Variants in LSAMP observed in about 807,000 individuals in gnomAD.
LSAMP encodes limbic system-associated membrane protein.
Under a neutral mutation model 38.6 loss-of-function variants are expected in LSAMP, and 7 were observed. That is an observed-to-expected ratio of 0.18 (90% CI 0.10 to 0.34). The LOEUF (loss-of-function observed/expected upper bound fraction) is 0.34. LSAMP is among the 10% of genes least tolerant of loss of function. The pLI is 1.00. For missense variants in LSAMP, 313 were observed against 420.0 expected (o/e 0.75, Z 2.23); for synonymous variants, 154 against 166.8 (o/e 0.92, Z 0.59).
chr3:116,068,452 T>A lies in LSAMP; in HGVS notation c.388+17872A>T, dbSNP rs548076880. Among the ~76,000 whole-genome samples the A allele has an allele frequency of 8.6e-5, 13 of 151,604 alleles. No individual in the cohort carries two copies. In the East Asian group the frequency reaches 2.5e-3, roughly 29 times the overall value. Reference sequence around the variant, plus strand: ...GACTGGATATGTGGTAAAAAAAAAATAAGTTATTTCTCAAATTTAATATAA... The same window carrying A: ...GACTGGATATGTGGTAAAAAAAAAAAAAGTTATTTCTCAAATTTAATATAA... On this transcript the variant is annotated intron_variant, in intron 2 of 6. Transcript: ENST00000490035.
At chr3:116,231,324 C>T (rs967697583) in intron 1 of LSAMP, among the ~76,000 whole-genome samples, 3 of 152,194 alleles carry the variant, frequency 2.0e-5, no homozygotes, top group African/African-American at 7.2e-5. Flanking sequence ...TGACTGTTCT[C>T]CATGCTGAAG....
chr3:115,981,425 A>T (rs1043637259), intron 3 of LSAMP, among the ~76,000 whole-genome samples: 2 of 147,530 alleles, frequency 1.4e-5, no homozygotes, highest in Non-Finnish European at 3.0e-5. Flanking sequence ...TATGATCTTT[A>T]AAAAAAAAAC....
chr3:116,151,921 G>C (rs1229322386), intron 1 of LSAMP, among the ~76,000 whole-genome samples: 1 of 152,168 alleles, frequency 6.6e-6, no homozygotes. Context: ...GCCACAATGA[G>C]ACCAGCAATT....
intron 1 of LSAMP, among the ~76,000 whole-genome samples, chr3:116,292,168 C>T (rs1257547070): frequency 6.6e-6 from 1 of 152,146 alleles, no homozygotes; most frequent in Non-Finnish European, 1.5e-5. Flanking sequence ...ATGGAATGTA[C>T]ATTTTATAAT....
At chr3:116,371,093 A>G (rs908415413) in intron 1 of LSAMP, among the ~76,000 whole-genome samples, 1 of 152,204 alleles carries the variant, frequency 6.6e-6, no homozygotes, top group Non-Finnish European at 1.5e-5. Flanking sequence ...ACAGCCCAGT[A>G]ACTGATGGCT....
chr3:116,439,847 T>C (rs1338878200), intron 1 of LSAMP, among the ~76,000 whole-genome samples: 1 of 152,218 alleles, frequency 6.6e-6, no homozygotes, highest in African/African-American at 2.4e-5. Context: ...CTCAGTCTCC[T>C]AAGCAGCTGG....
intron 1 of LSAMP, among the ~76,000 whole-genome samples, chr3:116,347,511 C>A (rs1195953917): frequency 6.6e-6 from 1 of 152,154 alleles, no homozygotes; most frequent in Non-Finnish European, 1.5e-5. Context: ...CTTGTGCTCT[C>A]TTTCTTGTAC....
chr3:116,103,464 C>CAAA (rs59732794), intron 1 of LSAMP, among the ~76,000 whole-genome samples: 44 of 42,784 alleles, frequency 1.0e-3, no homozygotes, highest in African/African-American at 1.9e-3. Context: ...GACTCCTTCT[C>CAAA]AAAAAAAAAA....
chr3:116,024,077 G>C (rs1940715521), intron 2 of LSAMP, among the ~76,000 whole-genome samples: 1 of 151,988 alleles, frequency 6.6e-6, no homozygotes, highest in African/African-American at 2.4e-5. Context: ...ATCCACAATG[G>C]GTGAAATGCC....
chr3:116,048,440 G>T (rs1354790487), intron 2 of LSAMP, among the ~76,000 whole-genome samples: 1 of 152,176 alleles, frequency 6.6e-6, no homozygotes, highest in Non-Finnish European at 1.5e-5. Context: ...GTGGGGTGAC[G>T]ATAGGCAATG....
intron 1 of LSAMP, among the ~76,000 whole-genome samples, chr3:116,340,720 C>T (rs1559834001): frequency 6.6e-6 from 1 of 151,962 alleles, no homozygotes; most frequent in Non-Finnish European, 1.5e-5. Flanking sequence ...ACACAGCCTA[C>T]AAACAATACT....
intron 3 of LSAMP, among the ~76,000 whole-genome samples, chr3:115,982,182 C>A (rs1038225268): frequency 6.6e-6 from 1 of 152,150 alleles, no homozygotes; most frequent in Non-Finnish European, 1.5e-5. Context: ...CTTTCATAAG[C>A]GGTTATTGAT....
intron 1 of LSAMP, among the ~76,000 whole-genome samples, chr3:116,110,748 A>G: frequency 6.6e-6 from 1 of 152,170 alleles, no homozygotes. Context: ...GCAGGAGAAC[A>G]GGGGATTGAT....
At chr3:116,126,844 A>G (rs1270419089) in intron 1 of LSAMP, among the ~76,000 whole-genome samples, 1 of 151,508 alleles carries the variant, frequency 6.6e-6, no homozygotes, top group Non-Finnish European at 1.5e-5. Context: ...CCTGGGAGAC[A>G]GGGCAAAACT....
intron 1 of LSAMP, among the ~76,000 whole-genome samples, chr3:116,232,830 A>T (rs1285677150): frequency 6.7e-6 from 1 of 150,228 alleles, no homozygotes; most frequent in Non-Finnish European, 1.5e-5. Context: ...CTGGGTTTTG[A>T]TGGATGTCAG....
At chr3:116,371,215 C>T (rs138075793) in intron 1 of LSAMP, among the ~76,000 whole-genome samples, 33 of 152,090 alleles carry the variant, frequency 2.2e-4, no homozygotes, top group Middle Eastern at 3.4e-3. Context: ...CTAGCATTAC[C>T]CTGATATCAA....
chr3:116,424,751 C>G (rs2049172533), intron 1 of LSAMP, among the ~76,000 whole-genome samples: 1 of 152,056 alleles, frequency 6.6e-6, no homozygotes. Flanking sequence ...TCCATTTTTT[C>G]TGATCGATGG....
At chr3:115,910,705 G>A (rs988360388) in intron 3 of LSAMP, among the ~76,000 whole-genome samples, 3 of 151,962 alleles carry the variant, frequency 2.0e-5, no homozygotes, top group South Asian at 2.1e-4. Flanking sequence ...CTGTCCTCAC[G>A]CCCTCCTCAA....
intron 2 of LSAMP, among the ~76,000 whole-genome samples, chr3:116,028,851 C>A (rs1436056778): frequency 6.6e-6 from 1 of 151,986 alleles, no homozygotes; most frequent in Admixed American, 6.6e-5. Flanking sequence ...GTGGCATTAA[C>A]AATAAATTAC....
Sources: allele counts gnomAD v4.1 joint callset (sites outside exome capture counted in the v4.1 genomes callset), GRCh38; gene constraint gnomAD v4.1.1; transcripts MANE v1.5; gene names NCBI Gene and HGNC (gene_info 2026-07-23, HGNC 2026-07-21).